The following CADM2 variants were observed in gnomAD, a reference collection of about 807,000 sequenced individuals.
The protein encoded by CADM2 is immunoglobulin superfamily member 4D.
CADM2 carries 12 observed loss-of-function variants against 49.8 expected under a neutral mutation model. The ratio of observed to expected loss-of-function variants is 0.24; its 90% CI spans 0.15 to 0.39. CADM2 has a LOEUF of 0.39. Among genes scored for constraint, CADM2 ranks in the 10% least tolerant of loss-of-function variants. The pLI, the probability that CADM2 is intolerant of heterozygous loss-of-function variation, is 1.00. For synonymous variants in CADM2, 214 were observed against 175.4 expected, an observed-to-expected ratio of 1.22 and a Z score of -1.74; for missense variants, 378 against 492.3, an observed-to-expected ratio of 0.77 and a Z score of 2.20.
chr3:85,501,076 G>A (rs550032334), intron 1 of CADM2, among the ~76,000 whole-genome samples: 1 of 152,220 alleles, frequency 6.6e-6, no homozygotes, highest in East Asian at 1.9e-4. Flanking sequence ...AATGTCACCA[G>A]TTGTTTTCAG....
At chr3:85,083,089 A>G (rs999466635) in intron 1 of CADM2, among the ~76,000 whole-genome samples, 1 of 152,130 alleles carries the variant, frequency 6.6e-6, no homozygotes, top group Admixed American at 6.6e-5. Flanking sequence ...CCATATACAT[A>G]TGTATATGTG....
intron 1 of CADM2, among the ~76,000 whole-genome samples, chr3:85,147,950 A>T (rs2039803196): frequency 6.6e-6 from 1 of 152,238 alleles, no homozygotes; most frequent in Non-Finnish European, 1.5e-5. Context: ...ATTAATTCAT[A>T]TAACTTGGAA....
chr3:85,702,674 A>G (rs534540649), intron 1 of CADM2, among the ~76,000 whole-genome samples: 2 of 152,046 alleles, frequency 1.3e-5, no homozygotes, highest in Admixed American at 1.3e-4. Context: ...TGATAACTTT[A>G]TTTTTTTCAT....
At chr3:85,906,005 G>T (rs543735456) in intron 5 of CADM2, among the ~76,000 whole-genome samples, 104 of 152,240 alleles carry the variant, frequency 6.8e-4, no homozygotes, top group Middle Eastern at 6.8e-3. Context: ...GAAACAAATA[G>T]TTTGATTACC....
At chr3:85,296,536 C>A (rs1190434817) in intron 1 of CADM2, among the ~76,000 whole-genome samples, 2 of 151,912 alleles carry the variant, frequency 1.3e-5, no homozygotes, top group Non-Finnish European at 2.9e-5. Context: ...TCAAAGCCTT[C>A]AGTCTTTTTC....
intron 1 of CADM2, among the ~76,000 whole-genome samples, chr3:85,289,580 G>A (rs886129710): frequency 1.3e-5 from 2 of 152,120 alleles, no homozygotes; most frequent in Non-Finnish European, 2.9e-5. Context: ...AGTCTAAATT[G>A]ATTTGTTAAT....
rs1442100199 is a variant in CADM2, at chr3:85,429,126, AAAT to A, written c.62-297392_62-297390del. On this transcript the variant is annotated intron_variant, in intron 1 of 9. Transcript: ENST00000383699. The stretch of plus-strand genomic sequence containing the variant: ...TCATTCTGCTATGGAAGCAGCAAAT[AAAT>A]AATGAGAAGGTCCTGTATATGCTAT... Among the ~76,000 whole-genome samples the A allele has an allele frequency of 2.0e-5, 3 of 152,086 alleles. No homozygotes were observed. The East Asian group carries it at 5.8e-4, about 29-fold the overall frequency.
In CADM2 at chr3:85,568,453, T is replaced by TTTCTCTCTCTC. The variant is rs2062354997; in HGVS notation, c.62-158068_62-158067insTCTCTCTCTCT. On this transcript the variant is annotated intron_variant, in intron 1 of 9. Coordinates refer to ENST00000383699, the MANE Select transcript of CADM2 (RefSeq NM_001167675.2). ...TTTCTTTCTTTCTTTCTTTCTTTCT[T>TTTCTCTCTCTC]TCTTTCTTTCTCTTTCTCTCTCTTT... Among the ~76,000 whole-genome samples, 6 of 27,576 alleles carry TTTCTCTCTCTC rather than the reference T, an allele frequency of 2.2e-4. 1 individual carries two copies. The highest frequency in any genetic ancestry group is 5.5e-4 in the African/African-American group (6 of 10,972). The allele number at this position is 27,576 out of a possible 152,430, so 18.1% of individuals were successfully genotyped here.
rs5850710 is a variant in CADM2, at chr3:85,672,191, CT to C, written c.62-54312del. On this transcript the variant is annotated intron_variant, in intron 1 of 9. Coordinates refer to ENST00000383699, the MANE Select transcript of CADM2 (RefSeq NM_001167675.2). The stretch of plus-strand genomic sequence containing the variant: ...ATTCTAAAATTTACTTCTAGGATGT[CT>C]TTTTTTTTTTTTTTTTTTGAGACAG... Among the ~76,000 whole-genome samples, 567 of 124,306 alleles carry C rather than the reference CT, an allele frequency of 4.6e-3. 1 individual carries two copies. Among genetic ancestry groups the C allele is most frequent in the African/African-American group, 0.014 (467 of 33,902 alleles). 81.5% of individuals were successfully genotyped at this position (124,306 alleles called of 152,430 possible). A position where few individuals can be genotyped will look rare whatever the true frequency, so the allele number is the denominator to read the frequency against.
At chr3:85,484,784 T>C (rs936690751) in intron 1 of CADM2, among the ~76,000 whole-genome samples, 1 of 152,002 alleles carries the variant, frequency 6.6e-6, no homozygotes, top group African/African-American at 2.4e-5. Context: ...ATTGACCTCA[T>C]TGATGGTTTA....
rs943989604 is a variant in CADM2, at chr3:86,073,797, A to G, written c.*7014A>G. The G allele has an allele frequency of 6.6e-6, 1 of 151,952 alleles. No individual in the cohort carries two copies. Among genetic ancestry groups the G allele is most frequent in the Non-Finnish European group, 1.5e-5 (1 of 67,876 alleles). The allele number at this position is 151,952 out of a possible 1,614,324, so 9.4% of individuals were successfully genotyped here. On this transcript the variant is annotated 3_prime_UTR_variant, in exon 10 of 10. Coordinates refer to ENST00000383699, the MANE Select transcript of CADM2 (RefSeq NM_001167675.2). ...TCTTTATGCCAAACACATTATTTTG[A>G]ATACCTTTTTTTCAACTTCATACAT... is the stretch of plus-strand genomic sequence containing the variant.
chr3:85,176,872 A>G (rs779735697), intron 1 of CADM2, among the ~76,000 whole-genome samples: 1 of 152,202 alleles, frequency 6.6e-6, no homozygotes, highest in Non-Finnish European at 1.5e-5. Flanking sequence ...TCAGAGAAGC[A>G]AAACTTAACA....
At chr3:86,041,346 G>A (rs1165477862) in intron 8 of CADM2, among the ~76,000 whole-genome samples, 5 of 152,120 alleles carry the variant, frequency 3.3e-5, no homozygotes, top group Admixed American at 3.3e-4. Context: ...CATCTCACTT[G>A]CAGAGACACA....
intron 3 of CADM2, among the ~76,000 whole-genome samples, chr3:85,846,706 T>TA (rs889500642): frequency 6.6e-6 from 1 of 151,822 alleles, no homozygotes; most frequent in Non-Finnish European, 1.5e-5. Flanking sequence ...CTCTACAGAT[T>TA]AAAAAAATCA....
At chr3:85,094,123 G>A (rs934802315) in intron 1 of CADM2, among the ~76,000 whole-genome samples, 1 of 152,004 alleles carries the variant, frequency 6.6e-6, no homozygotes, top group Non-Finnish European at 1.5e-5. Flanking sequence ...CTTCTCAGCC[G>A]AGCCAATACA....
intron 8 of CADM2, among the ~76,000 whole-genome samples, chr3:86,015,290 T>A (rs1293978927): frequency 6.6e-6 from 1 of 152,204 alleles, no homozygotes; most frequent in Non-Finnish European, 1.5e-5. Flanking sequence ...TCTCAGGCTT[T>A]GAAAACCTAC....
At chr3:85,502,960 A>G (rs572294323) in intron 1 of CADM2, among the ~76,000 whole-genome samples, 1 of 150,582 alleles carries the variant, frequency 6.6e-6, no homozygotes, top group African/African-American at 2.4e-5. Context: ...GAAAAATTGT[A>G]AAAGATTGTA....
At chr3:85,959,539 A>G (rs1041185488) in intron 7 of CADM2, among the ~76,000 whole-genome samples, 7 of 151,848 alleles carry the variant, frequency 4.6e-5, no homozygotes, top group African/African-American at 1.4e-4. Flanking sequence ...AGAGCAAAAG[A>G]TTCTCCTATC....
chr3:85,727,995 A>G (rs931995152), intron 2 of CADM2, among the ~76,000 whole-genome samples: 1 of 152,176 alleles, frequency 6.6e-6, no homozygotes, highest in Non-Finnish European at 1.5e-5. Context: ...GATGCAATAG[A>G]CAATGGAGTG....
Sources: gnomAD v4.1 joint callset for allele counts (sites outside exome capture counted in the v4.1 genomes callset) on GRCh38, gnomAD v4.1.1 for gene constraint, MANE v1.5 for transcripts, NCBI Gene and HGNC (gene_info 2026-07-23, HGNC 2026-07-21) for gene names.